EFCAB3: variants seen among roughly 807,000 people sequenced by gnomAD.
The protein encoded by EFCAB3 is EF-hand calcium binding domain 3, also known as EF-hand calcium-binding domain-containing protein 3.
Under a neutral mutation model 42.2 loss-of-function variants are expected in EFCAB3, and 36 were observed. The ratio of observed to expected loss-of-function variants is 0.85; its 90% confidence interval spans 0.65 to 1.13. The LOEUF (loss-of-function observed/expected upper bound fraction) is 1.13, where lower values mean the gene tolerates loss of function less well. Ranked by LOEUF, EFCAB3 falls within the 50% of genes most tolerant of loss-of-function variation. EFCAB3 has a pLI of 0.00. For synonymous variants in EFCAB3, 170 were observed against 172.8 expected (o/e 0.98, Z 0.13); for missense variants, 418 against 505.1 (o/e 0.83, Z 1.65).
intron 1 of EFCAB3, chr17:62,381,756 G>A (rs1454512526): frequency 7.8e-6 from 3 of 385,624 alleles, no homozygotes; most frequent in Admixed American, 2.8e-5. Context: ...CCTGGACAGC[G>A]TAGGCATCGA....
chr17:62,394,680 T>A (rs949306216), intron 5 of EFCAB3, among the ~76,000 whole-genome samples: 1 of 152,244 alleles, frequency 6.6e-6, no homozygotes, highest in African/African-American at 2.4e-5. Flanking sequence ...GTATACAGTT[T>A]TGAAAATATA....
chr17:62,411,325 CTG>C (rs1319007473), intron 8 of EFCAB3, among the ~76,000 whole-genome samples: 2 of 152,018 alleles, frequency 1.3e-5, no homozygotes, highest in Non-Finnish European at 2.9e-5. Flanking sequence ...TTAGTAATGA[CTG>C]AGTATTTTTA....
At chr17:62,404,903 A>G (rs2144103735) in intron 6 of EFCAB3, among the ~76,000 whole-genome samples, 1 of 152,376 alleles carries the variant, frequency 6.6e-6, no homozygotes, top group East Asian at 1.9e-4. Flanking sequence ...ATAATGTGAC[A>G]TAAATTGTTA....
At chr17:62,392,063 T>A (rs2070307525) in intron 4 of EFCAB3, 98 bp downstream of exon 4, 20 of 1,155,994 alleles carry the variant, frequency 1.7e-5, no homozygotes, top group Non-Finnish European at 2.3e-5. Context: ...ACAAATCTTA[T>A]TTACTTGCCC....
chr17:62,391,900 C>T lies in EFCAB3; in HGVS notation c.230C>T (p.Ala77Val). 2 of 1,613,720 alleles carry T rather than the reference C, an allele frequency of 1.2e-6. No individual in the cohort carries two copies. Among genetic ancestry groups the T allele is most frequent in the Non-Finnish European group, 8.5e-7 (1 of 1,179,802 alleles). The change falls in exon 4 of 10, where the codon GCT becomes GTT. Residue 77 changes from alanine to valine, a missense_variant. Physicochemically the swap from Ala to Val is moderately conservative, Grantham distance 64 (BLOSUM62 0). Coordinates refer to ENST00000305286, the MANE Select transcript of EFCAB3 (RefSeq NM_173503.4). ...IDFHGLMCTVAKLGMNLTKHD... is the reference protein window; with the variant it reads ...IDFHGLMCTVVKLGMNLTKHD... ...TTCCATGGACTGATGTGCACTGTAG[C>T]TAAGCTGGGAATGAATCTGACCAAG...
At position 62,385,759 on chromosome 17, in the gene EFCAB3, AC is replaced by A. The variant is rs1481942255; in HGVS notation, c.75-1578del. ...TTTTGAGACAGAGTCTTGCTCTGTC[AC>A]CCAGACTGGAGTGCAGTGACGTGAT... On this transcript the variant is annotated intron_variant, in intron 2 of 9. Coordinates refer to ENST00000305286, the MANE Select transcript of EFCAB3 (RefSeq NM_173503.4). Among the ~76,000 whole-genome samples, 20 of 123,756 alleles carry A rather than the reference AC, an allele frequency of 1.6e-4. No homozygotes were observed. In the East Asian group the frequency reaches 3.5e-3, roughly 22 times the overall value. The allele number at this position is 123,756 out of a possible 152,430, so 81.2% of individuals were successfully genotyped here.
At position 62,413,589 on chromosome 17, in the gene EFCAB3, C is replaced by G. The variant is rs140108479; in HGVS notation, c.868-143C>G. ...TGAGGGACCCGGAAAAAAGTCTAAA[C>G]AAACAAACAAATGGTTTGGCAATAA... On this transcript the variant is annotated intron_variant, in intron 8 of 9. Transcript: ENST00000305286. The G allele has an allele frequency of 4.9e-3, 4,137 of 840,114 alleles. 20 individuals carry two copies. The highest frequency in any genetic ancestry group is 9.0e-3 in the East Asian group (305 of 34,016). The allele number at this position is 840,114 out of a possible 1,614,324, so 52.0% of individuals were successfully genotyped here.
chr17:62,382,810 C>T (rs1369851397), intron 1 of EFCAB3, among the ~76,000 whole-genome samples, 153 bp from the exon 2 acceptor site: 7 of 152,204 alleles, frequency 4.6e-5, no homozygotes, highest in Non-Finnish European at 7.3e-5. Flanking sequence ...GGCATTCCAA[C>T]TTTATGCATA....
chr17:62,378,541 T>A (rs563098243), upstream of EFCAB3, among the ~76,000 whole-genome samples: 9 of 152,126 alleles, frequency 5.9e-5, no homozygotes, highest in East Asian at 9.7e-4. Flanking sequence ...CTATAAAAAA[T>A]TTTAAAATTA....
chr17:62,387,927 A>C (rs561616065), intron 3 of EFCAB3, among the ~76,000 whole-genome samples: 1 of 152,280 alleles, frequency 6.6e-6, no homozygotes, highest in East Asian at 1.9e-4. Flanking sequence ...TGAACTTGCC[A>C]GGCACGGTGG....
chr17:62,406,534 C>A lies in EFCAB3; in HGVS notation c.543C>A (p.Tyr181Ter). The part of the protein sequence containing the change: ...HTGPGMLWSP[Y>*]TMGYGKRTLK... ...GCCCAGGAATGTTGTGGAGTCCCTA[C>A]ACTATGGGCTATGGAAAAAGGACAC... The change falls in exon 7 of 10, where the codon TAC becomes TAA. Residue 181 changes from tyrosine to a stop codon, truncating the protein, a stop_gained. Transcript: ENST00000305286. LOFTEE classifies it high-confidence loss of function. 6.2e-7 allele frequency: 1 copy of A among 1,613,890 alleles called. No individual in the cohort carries two copies. The highest frequency in any genetic ancestry group is 2.2e-5 in the East Asian group (1 of 44,856).
chr17:62,405,869 G>A (rs1176810889), intron 6 of EFCAB3, among the ~76,000 whole-genome samples: 1 of 152,140 alleles, frequency 6.6e-6, no homozygotes, highest in African/African-American at 2.4e-5. Context: ...ACTCCAGATC[G>A]TAAGCTTACT....
chr17:62,372,677 A>G (rs969220947), intron 1 of EFCAB3, among the ~76,000 whole-genome samples: 5 of 152,186 alleles, frequency 3.3e-5, no homozygotes, highest in Non-Finnish European at 7.3e-5. Context: ...CCTTTCCAAC[A>G]TATTCAGTTT....
rs1472388118 is a variant in EFCAB3, at chr17:62,397,768, T to C, written c.488+2580T>C. ...GGCCGAGCACAGTGGCTCATTGTTG[T>C]AATCCCAGCACTTTGGGAGGCCAAG... On this transcript the variant is annotated intron_variant, in intron 6 of 9. Coordinates refer to ENST00000305286, the MANE Select transcript of EFCAB3 (RefSeq NM_173503.4). 3 of 403,706 alleles carry C rather than the reference T, an allele frequency of 7.4e-6. No individual in the cohort carries two copies. In the East Asian group the frequency reaches 1.9e-4, roughly 26 times the overall value. The allele number at this position is 403,706 out of a possible 1,614,324, so 25.0% of individuals were successfully genotyped here. A position where few individuals can be genotyped will look rare whatever the true frequency, so the allele number is the denominator to read the frequency against.
chr17:62,393,351 A>G (rs1033394347), intron 4 of EFCAB3, among the ~76,000 whole-genome samples: 23 of 152,250 alleles, frequency 1.5e-4, no homozygotes, highest in Admixed American at 2.6e-4. Flanking sequence ...TCCTGGCTGG[A>G]TGTTTACAAC....
upstream of EFCAB3, among the ~76,000 whole-genome samples, chr17:62,377,756 C>T (rs750428406): frequency 2.0e-4 from 31 of 152,144 alleles, no homozygotes; most frequent in Non-Finnish European, 4.3e-4. Flanking sequence ...TCAATGCTGA[C>T]ACTATAGTGC....
At chr17:62,409,419 C>A (rs1050515490) in intron 8 of EFCAB3, among the ~76,000 whole-genome samples, 2 of 152,110 alleles carry the variant, frequency 1.3e-5, no homozygotes, top group Non-Finnish European at 2.9e-5. Context: ...CCCCTAATCC[C>A]AGCTGATTAG....
At chr17:62,390,581 T>C (rs1373246565) in intron 3 of EFCAB3, among the ~76,000 whole-genome samples, 1 of 152,234 alleles carries the variant, frequency 6.6e-6, no homozygotes, top group Non-Finnish European at 1.5e-5. Flanking sequence ...TGCACTAATA[T>C]ATCCAAAGCA....
intron 4 of EFCAB3, among the ~76,000 whole-genome samples, 184 bp downstream of exon 4, chr17:62,392,149 CA>C (rs2070308724): frequency 6.8e-6 from 1 of 147,668 alleles, no homozygotes; most frequent in Non-Finnish European, 1.5e-5. Context: ...ATATATAGTA[CA>C]AATATATATA....
Sources: gnomAD v4.1 joint callset for allele counts (sites outside exome capture counted in the v4.1 genomes callset) on GRCh38, gnomAD v4.1.1 for gene constraint, MANE v1.5 for transcripts, NCBI Gene and HGNC (gene_info 2026-07-23, HGNC 2026-07-21) for gene names.